The following DYNLT2 variants were observed in gnomAD, a reference collection of about 807,000 sequenced individuals.
DYNLT2 encodes the protein dynein light chain Tctex-type 2.
DYNLT2 carries 24 observed loss-of-function variants against 24.3 expected under a neutral mutation model. The ratio of observed to expected loss-of-function variants is 0.99; its 90% CI spans 0.71 to 1.39. The LOEUF (loss-of-function observed/expected upper bound fraction) is 1.39, where lower values mean the gene tolerates loss of function less well. Among genes scored for constraint, DYNLT2 ranks in the 40% most tolerant of loss-of-function variants. The pLI is 0.00. For synonymous variants in DYNLT2, 85 were observed against 85.4 expected, an observed-to-expected ratio of 1.00 and a Z score of 0.03; for missense variants, 246 against 234.5, an observed-to-expected ratio of 1.05 and a Z score of -0.32.
At chr6:169,725,593 T>C in the DYNLT2 span, 1 of 339,308 alleles carries the variant, frequency 2.9e-6, no homozygotes. Context: ...ACTGCATCTT[T>C]CAGCTAAATT....
chr6:169,741,344 G>T (rs1789674624), intron 3 of DYNLT2, among the ~76,000 whole-genome samples: 1 of 152,180 alleles, frequency 6.6e-6, no homozygotes. Flanking sequence ...TGGCTCACAT[G>T]CAGGAGAACC....
chr6:169,736,903 T>C (rs1486976727), downstream of DYNLT2, among the ~76,000 whole-genome samples: 1 of 152,200 alleles, frequency 6.6e-6, no homozygotes, highest in Non-Finnish European at 1.5e-5. Context: ...TATCCTGAAG[T>C]GTGTTTTCTA....
At chr6:169,744,000 A>C (rs1789735903) in intron 2 of DYNLT2, 68 bp downstream of exon 2, 1 of 1,445,724 alleles carries the variant, frequency 6.9e-7, no homozygotes, top group Non-Finnish European at 9.5e-7. Context: ...ATTTCTTCGT[A>C]TATATAATTT....
chr6:169,739,597 GA>G (rs1055099056), downstream of DYNLT2, among the ~76,000 whole-genome samples: 2 of 152,002 alleles, frequency 1.3e-5, no homozygotes, highest in Admixed American at 1.3e-4. Flanking sequence ...TCTTGCATCT[GA>G]AAAAAAGATC....
chr6:169,746,754 C>T (rs1013745805), intron 1 of DYNLT2, among the ~76,000 whole-genome samples: 1 of 151,974 alleles, frequency 6.6e-6, no homozygotes, highest in Non-Finnish European at 1.5e-5. Context: ...AGGCCTCTGG[C>T]AATGTGCTGG....
downstream of DYNLT2, among the ~76,000 whole-genome samples, chr6:169,735,977 G>A (rs1037796281): frequency 6.6e-6 from 1 of 152,148 alleles, no homozygotes; most frequent in African/African-American, 2.4e-5. Flanking sequence ...CCAGTATTGG[G>A]TACATATATA....
chr6:169,743,123 A>T lies in DYNLT2; in HGVS notation c.443T>A (p.Ile148Asn), dbSNP rs1361074876. 1.3e-6 allele frequency: 2 copies of T among 1,579,454 alleles called. No homozygotes were observed. The highest frequency in any genetic ancestry group is 1.7e-6 in the Non-Finnish European group (2 of 1,157,808). ...KEFGYHRYKF[I>N]IKVLFIQKTG... ...CTTTTGAATAAATAATACTTTTATA[A>T]TGAACTTATAACGGTGGTACCCAAA... Residue 148 changes from isoleucine to asparagine, a missense_variant, in exon 3 of 4, where the codon ATT becomes AAT. Ile to Asn is a moderately radical substitution (Grantham distance 149, BLOSUM62 -3). Coordinates refer to ENST00000366774, the MANE Select transcript of DYNLT2 (RefSeq NM_174910.3).
In DYNLT2 at chr6:169,744,060, C is replaced by T; in HGVS notation, c.327+8G>A. ...CAATACTGCTATCATATATATTTAT[C>T]AACCTACTGTTAGTATCTGCTGGAC... On this transcript the variant is annotated splice_region_variant and intron_variant, in intron 2 of 3. Transcript: ENST00000366774. 6.2e-7 allele frequency: 1 copy of T among 1,609,048 alleles called. No homozygotes were observed. Among genetic ancestry groups the T allele is most frequent in the Non-Finnish European group, 8.5e-7 (1 of 1,178,752 alleles).
chr6:169,740,153 G>C lies in DYNLT2; in HGVS notation c.*32C>G. ...AATTTCATTTATTTTTGAAAAGTTC[G>C]GAAGTAAACAATCCTTAGTACCTGT... On this transcript the variant is annotated 3_prime_UTR_variant, in exon 4 of 4. Coordinates refer to ENST00000366774, the MANE Select transcript of DYNLT2 (RefSeq NM_174910.3). The C allele has an allele frequency of 7.3e-7, 1 of 1,360,780 alleles. No homozygotes were observed. The highest frequency in any genetic ancestry group is 1.0e-6 in the Non-Finnish European group (1 of 960,036). 84.3% of individuals were successfully genotyped at this position (1,360,780 alleles called of 1,614,324 possible).
chr6:169,745,925 TGTTA>T (rs1447636392), intron 1 of DYNLT2, among the ~76,000 whole-genome samples: 2 of 152,224 alleles, frequency 1.3e-5, no homozygotes, highest in Non-Finnish European at 2.9e-5. Context: ...TTTGGAAGGC[TGTTA>T]TTGATTCAAG....
At chr6:169,737,362 G>A (rs1411995818), downstream of DYNLT2, among the ~76,000 whole-genome samples, 2 of 152,186 alleles carry the variant, frequency 1.3e-5, no homozygotes, top group African/African-American at 4.8e-5. Flanking sequence ...GCCCTTGATG[G>A]AGAGACACTG....
intron 1 of DYNLT2, among the ~76,000 whole-genome samples, chr6:169,749,146 C>T (rs1405994767): frequency 1.3e-5 from 2 of 152,102 alleles, no homozygotes; most frequent in Non-Finnish European, 2.9e-5. Context: ...GTTGCCCAGG[C>T]TGGAGTGCAG....
At chr6:169,744,329 C>G in intron 1 of DYNLT2, 55 bp from the exon 2 acceptor site, 2 of 1,474,104 alleles carry the variant, frequency 1.4e-6, no homozygotes, top group Middle Eastern at 1.8e-4. Flanking sequence ...ACTTTTTAAA[C>G]TGTAAATGAG....
In DYNLT2 at chr6:169,743,135, C is replaced by G. The variant is rs780475513; in HGVS notation, c.431G>C (p.Arg144Pro). The change falls in exon 3 of 4, where the codon CGT becomes CCT. Residue 144 changes from arginine (R) to proline (P), a missense_variant. Transcript: ENST00000366774. ...TAATACTTTTATAATGAACTTATAA[C>G]GGTGGTACCCAAATTCTTTGACTGC... ...LLAVKEFGYH[R>P]YKFIIKVLFI... The G allele has an allele frequency of 2.5e-6, 4 of 1,579,692 alleles. No individual in the cohort carries two copies. Among genetic ancestry groups the G allele is most frequent in the East Asian group, 4.5e-5 (2 of 44,358 alleles).
chr6:169,735,294 C>T (rs1789538681), downstream of DYNLT2, among the ~76,000 whole-genome samples: 1 of 151,854 alleles, frequency 6.6e-6, no homozygotes, highest in Non-Finnish European at 1.5e-5. Context: ...TTCAATTCTT[C>T]TCTGATGTTA....
downstream of DYNLT2, among the ~76,000 whole-genome samples, chr6:169,736,175 T>A (rs758680889): frequency 1.3e-5 from 2 of 151,274 alleles, no homozygotes; most frequent in African/African-American, 2.4e-5. Context: ...GCTTGGTAAA[T>A]TTTCCTCCTT....
At chr6:169,750,895 A>G (rs1018575409) in intron 1 of DYNLT2, 2 of 153,080 alleles carry the variant, frequency 1.3e-5, no homozygotes, top group African/African-American at 4.8e-5. Flanking sequence ...AAAACCCAAA[A>G]CATGGCACTA....
chr6:169,743,197 A>C lies in DYNLT2; in HGVS notation c.369T>G (p.Ser123=). 2 of 1,577,078 alleles carry C rather than the reference A, an allele frequency of 1.3e-6. No homozygotes were observed. Among genetic ancestry groups the C allele is most frequent in the South Asian group, 1.2e-5 (1 of 84,946 alleles). ...KDVKYDDKVF[S]HLSLELADRI... is the part of the protein sequence containing the mutation. ...GGTCTGCCAATTCAAGTGACAAGTG[A>C]GAGAATACTTTATCATCATATTTGA... The change falls in exon 3 of 4, where the codon TCT becomes TCG. Residue 123 remains serine, a synonymous_variant. Transcript: ENST00000366774.
At chr6:169,743,490 A>G (rs867180836) in intron 2 of DYNLT2, among the ~76,000 whole-genome samples, 12 of 152,330 alleles carry the variant, frequency 7.9e-5, no homozygotes, top group South Asian at 2.1e-4. Flanking sequence ...GTAATTTACT[A>G]GACTACTCTG....
Sources: gnomAD v4.1 joint callset for allele counts (sites outside exome capture counted in the v4.1 genomes callset) on GRCh38, gnomAD v4.1.1 for gene constraint, MANE v1.5 for transcripts, NCBI Gene and HGNC (gene_info 2026-07-23, HGNC 2026-07-21) for gene names.